The following ROBO1 variants were observed in gnomAD, a reference collection of about 807,000 sequenced individuals.
ROBO1 encodes roundabout guidance receptor 1.
Under a neutral mutation model 195.9 loss-of-function variants are expected in ROBO1, and 149 were observed. The ratio of observed to expected loss-of-function variants is 0.76; its 90% CI spans 0.67 to 0.87. The LOEUF is 0.87. ROBO1 is among the 40% of genes least tolerant of loss of function. ROBO1 has a pLI of 0.00. For missense variants in ROBO1, 1,933 were observed against 2,068.3 expected (o/e 0.93, Z 1.27); for synonymous variants, 816 against 733.2 (o/e 1.11, Z -1.82).
intron 2 of ROBO1, among the ~76,000 whole-genome samples, chr3:79,381,355 CAAAAAAA>C (rs61680946): frequency 8.2e-5 from 5 of 60,704 alleles, no homozygotes; most frequent in Non-Finnish European, 1.2e-4. Flanking sequence ...AACTCCGTCT[CAAAAAAA>C]AAAAAAAAAA....
chr3:79,263,433 G>C (rs1032217104), intron 2 of ROBO1, among the ~76,000 whole-genome samples: 7 of 152,044 alleles, frequency 4.6e-5, no homozygotes, highest in African/African-American at 1.7e-4. Flanking sequence ...AAAACAGCAT[G>C]AGGACAAGAG....
chr3:79,076,015 T>C (rs1241726698), intron 3 of ROBO1, among the ~76,000 whole-genome samples: 1 of 151,450 alleles, frequency 6.6e-6, no homozygotes, highest in African/African-American at 2.4e-5. Context: ...AGAGCTGCCA[T>C]TGCTATTTAT....
intron 2 of ROBO1, among the ~76,000 whole-genome samples, chr3:79,271,678 A>G (rs151083235): frequency 1.3e-5 from 2 of 151,894 alleles, no homozygotes; most frequent in African/African-American, 2.4e-5. Context: ...AGATAATGGT[A>G]TATGTATGTA....
At chr3:79,286,412 C>T (rs1481179562) in intron 2 of ROBO1, among the ~76,000 whole-genome samples, 3 of 152,162 alleles carry the variant, frequency 2.0e-5, no homozygotes, top group Non-Finnish European at 4.4e-5. Flanking sequence ...TTTAAAGAGA[C>T]AGCCTGTGGA....
At chr3:78,755,668 A>G (rs944801504) in intron 4 of ROBO1, among the ~76,000 whole-genome samples, 1 of 152,202 alleles carries the variant, frequency 6.6e-6, no homozygotes, top group Admixed American at 6.5e-5. Context: ...AGAGAAAGAC[A>G]TTAATAATAA....
At chr3:78,708,930 A>T (rs1326420445) in intron 8 of ROBO1, among the ~76,000 whole-genome samples, 1 of 152,198 alleles carries the variant, frequency 6.6e-6, no homozygotes, top group Non-Finnish European at 1.5e-5. Context: ...CAAAAATAAC[A>T]ATGTAATAAA....
chr3:79,186,748 A>G (rs546974176), intron 2 of ROBO1, among the ~76,000 whole-genome samples: 2 of 152,266 alleles, frequency 1.3e-5, no homozygotes, highest in African/African-American at 4.8e-5. Context: ...AGTCATAGAC[A>G]CATTTTGAGA....
chr3:79,311,217 A>G (rs2033470356), intron 2 of ROBO1, among the ~76,000 whole-genome samples: 1 of 152,164 alleles, frequency 6.6e-6, no homozygotes, highest in South Asian at 2.1e-4. Context: ...GATCAACAAA[A>G]AGACCTGTCT....
chr3:79,608,630 T>G (rs543883393), intron 1 of ROBO1, among the ~76,000 whole-genome samples: 1 of 152,118 alleles, frequency 6.6e-6, no homozygotes, highest in African/African-American at 2.4e-5. Flanking sequence ...CCTATAAAAC[T>G]AACCAGATTT....
chr3:78,963,761 C>T (rs142953336), intron 3 of ROBO1, among the ~76,000 whole-genome samples: 1,659 of 152,124 alleles, frequency 0.011, 28 homozygotes, highest in African/African-American at 0.038. Flanking sequence ...TCGTGATCCA[C>T]CCGCCTCGGC....
chr3:78,622,948 C>G (rs144803719), intron 26 of ROBO1, among the ~76,000 whole-genome samples: 4 of 152,302 alleles, frequency 2.6e-5, no homozygotes, highest in Non-Finnish European at 4.4e-5. Context: ...AGCCAAGCAA[C>G]TAAAGCCATA....
At chr3:78,606,195 T>C (rs568306804) in intron 29 of ROBO1, among the ~76,000 whole-genome samples, 1 of 152,256 alleles carries the variant, frequency 6.6e-6, no homozygotes, top group South Asian at 2.1e-4. Context: ...CTAACCACCT[T>C]TCTAGTTTTA....
intron 3 of ROBO1, among the ~76,000 whole-genome samples, chr3:78,964,127 CTT>C (rs2107858825): frequency 6.6e-6 from 1 of 152,234 alleles, no homozygotes; most frequent in Non-Finnish European, 1.5e-5. Flanking sequence ...CTGTCTTTAT[CTT>C]TACATGGTGT....
chr3:79,574,946 C>CA (rs539691796), intron 2 of ROBO1, among the ~76,000 whole-genome samples: 52 of 150,782 alleles, frequency 3.4e-4, no homozygotes, highest in African/African-American at 1.2e-3. Context: ...AACTTCCTAC[C>CA]AGACAGCAAC....
chr3:78,775,134 C>A (rs559068012), intron 4 of ROBO1, among the ~76,000 whole-genome samples: 1 of 152,222 alleles, frequency 6.6e-6, no homozygotes, highest in East Asian at 1.9e-4. Flanking sequence ...GTACCCATGA[C>A]AAAACAAAGA....
intron 2 of ROBO1, among the ~76,000 whole-genome samples, chr3:79,201,064 C>T (rs1320591373): frequency 6.6e-6 from 1 of 151,828 alleles, no homozygotes; most frequent in Admixed American, 6.6e-5. Flanking sequence ...GTTAATATGG[C>T]CACAGAGGAT....
intron 2 of ROBO1, among the ~76,000 whole-genome samples, chr3:79,519,981 AG>A (rs1559960613): frequency 6.6e-6 from 1 of 152,004 alleles, no homozygotes; most frequent in Non-Finnish European, 1.5e-5. Flanking sequence ...CAATAGGAAA[AG>A]CCCCGCTGTG....
intron 2 of ROBO1, among the ~76,000 whole-genome samples, chr3:79,281,161 C>A (rs182098235): frequency 5.3e-5 from 8 of 152,220 alleles, no homozygotes; most frequent in East Asian, 3.9e-4. Context: ...AGTAGTAAAT[C>A]TTTGATTGAA....
At chr3:79,448,984 CT>C (rs2039358916) in intron 2 of ROBO1, among the ~76,000 whole-genome samples, 1 of 152,120 alleles carries the variant, frequency 6.6e-6, no homozygotes, top group African/African-American at 2.4e-5. Flanking sequence ...AATCCCAGCA[CT>C]TTGAAAGGCT....
Sources: allele counts gnomAD v4.1 joint callset (sites outside exome capture counted in the v4.1 genomes callset), GRCh38; gene constraint gnomAD v4.1.1; transcripts MANE v1.5; gene names NCBI Gene and HGNC (gene_info 2026-07-23, HGNC 2026-07-21).